The following ZMYM2 variants were observed in gnomAD, a reference collection of about 807,000 sequenced individuals.
The protein encoded by ZMYM2 is zinc finger MYM-type containing 2.
A neutral mutation model predicts 162.8 loss-of-function variants in ZMYM2; 56 were observed. The observed-to-expected ratio is 0.34, with a 90% CI of 0.28 to 0.43. The LOEUF is 0.43. Ranked by LOEUF, ZMYM2 falls within the 20% of genes least tolerant of loss-of-function variation. The pLI, the probability that ZMYM2 is intolerant of heterozygous loss-of-function variation, is 1.00. For missense variants in ZMYM2, 1,275 were observed against 1,621.8 expected, an observed-to-expected ratio of 0.79 and a Z score of 3.67; for synonymous variants, 510 against 541.6, an observed-to-expected ratio of 0.94 and a Z score of 0.81.
At chr13:19,901,401 A>T in the ZMYM2 span, among the ~76,000 whole-genome samples, 1 of 152,372 alleles carries the variant, frequency 6.6e-6, no homozygotes, top group East Asian at 1.9e-4. Context: ...AGATGAATTG[A>T]TAAGCAAAAT....
the ZMYM2 span, among the ~76,000 whole-genome samples, chr13:19,892,425 C>A: frequency 6.6e-6 from 1 of 151,560 alleles, no homozygotes; most frequent in Non-Finnish European, 1.5e-5. Context: ...GCGCCCACCG[C>A]CACGCCCAGC....
Position 19,993,132 on chromosome 13 carries a change from G to A in ZMYM2, c.60G>A (p.Gly20=). The change falls in exon 3 of 25, where the codon GGG becomes GGA. Residue 20 remains glycine (G), a synonymous_variant. Coordinates refer to ENST00000610343, the MANE Select transcript of ZMYM2 (RefSeq NM_197968.4). ...ELTDQTPVLL[G]STAMATSLTN... ...CTGATCAGACTCCTGTTTTATTAGG[G>A]AGTACGGCCATGGCAACTAGTCTCA... 2 of 1,614,078 alleles carry A rather than the reference G, an allele frequency of 1.2e-6. No homozygotes were observed. The highest frequency in any genetic ancestry group is 1.7e-6 in the Non-Finnish European group (2 of 1,179,986).
chr13:19,877,157 A>G, the ZMYM2 span, among the ~76,000 whole-genome samples: 1 of 149,132 alleles, frequency 6.7e-6, no homozygotes, highest in South Asian at 2.1e-4. Flanking sequence ...GCTTGCAGTA[A>G]GCCGAGATTG....
chr13:19,987,620 C>CGTGTGTGT (rs756005409), intron 2 of ZMYM2, among the ~76,000 whole-genome samples: 8,478 of 121,282 alleles, frequency 0.07, 555 homozygotes, highest in African/African-American at 0.1. Flanking sequence ...GGGGTTTTGT[C>CGTGTGTGT]GTGTGTGTGT....
chr13:20,051,273 CATTT>C (rs1955314112), intron 12 of ZMYM2, among the ~76,000 whole-genome samples, 156 bp from the exon 13 acceptor site: 3 of 50,018 alleles, frequency 6.0e-5, no homozygotes, highest in East Asian at 5.0e-4. Context: ...TTTTTTTTTT[CATTT>C]ATTGTAGATT....
intron 3 of ZMYM2, 33 bp from the exon 4 acceptor site, chr13:20,002,817 T>C (rs769320844): frequency 6.3e-7 from 1 of 1,598,076 alleles, no homozygotes; most frequent in Non-Finnish European, 8.5e-7. Context: ...AACACTTGTT[T>C]CATTATTCTT....
At chr13:19,883,059 AT>A in the ZMYM2 span, among the ~76,000 whole-genome samples, 1 of 152,232 alleles carries the variant, frequency 6.6e-6, no homozygotes, top group African/African-American at 2.4e-5. Flanking sequence ...ACAATGGAAT[AT>A]TATTGTTAAA....
At chr13:20,043,587 T>C (rs2140452160) in intron 12 of ZMYM2, among the ~76,000 whole-genome samples, 1 of 150,996 alleles carries the variant, frequency 6.6e-6, no homozygotes, top group South Asian at 2.1e-4. Context: ...GGAGGTGGAG[T>C]GTCCACTGTT....
intron 17 of ZMYM2, among the ~76,000 whole-genome samples, chr13:20,061,590 T>C (rs1349302365): frequency 1.3e-5 from 2 of 152,054 alleles, no homozygotes; most frequent in African/African-American, 4.8e-5. Flanking sequence ...TTTTTTGTTT[T>C]GTTTTGTTTT....
chr13:20,035,700 G>A (rs891627768), intron 11 of ZMYM2, among the ~76,000 whole-genome samples: 6 of 152,034 alleles, frequency 3.9e-5, no homozygotes, highest in African/African-American at 1.2e-4. Flanking sequence ...CATTCAGATC[G>A]GTAATAGCAT....
At chr13:19,921,315 T>C in the ZMYM2 span, among the ~76,000 whole-genome samples, 1 of 152,012 alleles carries the variant, frequency 6.6e-6, no homozygotes, top group African/African-American at 2.4e-5. Context: ...AATTTTTGTA[T>C]TTTTGGTAGA....
chr13:19,906,339 A>G, the ZMYM2 span, among the ~76,000 whole-genome samples: 1 of 130,266 alleles, frequency 7.7e-6, no homozygotes, highest in East Asian at 2.4e-4. Context: ...ATGTATGTGT[A>G]TATATATGTG....
At chr13:19,969,621 GACTT>G (rs1566177909) in intron 2 of ZMYM2, among the ~76,000 whole-genome samples, 1 of 152,120 alleles carries the variant, frequency 6.6e-6, no homozygotes, top group Non-Finnish European at 1.5e-5. Context: ...AGCAAAATAA[GACTT>G]ACTGAGGACT....
the ZMYM2 span, among the ~76,000 whole-genome samples, chr13:19,937,757 TA>T: frequency 6.6e-6 from 1 of 151,106 alleles, no homozygotes; most frequent in Non-Finnish European, 1.5e-5. Flanking sequence ...CATTTAGCAT[TA>T]GGTATATCTC....
intron 2 of ZMYM2, among the ~76,000 whole-genome samples, chr13:19,972,916 G>GAT (rs756817428): frequency 1.3e-5 from 2 of 149,646 alleles, no homozygotes; most frequent in African/African-American, 4.9e-5. Flanking sequence ...TACATATATA[G>GAT]ATATATATAT....
chr13:19,938,379 C>T, the ZMYM2 span, among the ~76,000 whole-genome samples: 1 of 151,960 alleles, frequency 6.6e-6, no homozygotes, highest in African/African-American at 2.4e-5. Context: ...CGTGATGGTG[C>T]GCACCTAACA....
At chr13:19,960,068 G>A (rs1301365552) in intron 2 of ZMYM2, 42 bp downstream of exon 2, 2 of 152,422 alleles carry the variant, frequency 1.3e-5, no homozygotes, top group South Asian at 2.1e-4. Flanking sequence ...AGAGGACATT[G>A]TCAGGTTGTA....
At chr13:20,026,788 A>C (rs1430045730) in intron 8 of ZMYM2, 26 bp downstream of exon 8, 3 of 1,534,252 alleles carry the variant, frequency 2.0e-6, no homozygotes, top group Non-Finnish European at 2.6e-6. Context: ...TTGGACAGTT[A>C]AAAAAACTTT....
chr13:20,083,323 A>G lies in ZMYM2; in HGVS notation c.3820+291A>G, dbSNP rs560504885. On this transcript the variant is annotated intron_variant, in intron 23 of 24. Transcript: ENST00000610343. ...GTGATCTGCCCACCTCAGCCTCCCA[A>G]AGTGCTGGGATTACAGGCGTGAGCC... 3.3e-5 allele frequency among the ~76,000 whole-genome samples: 5 copies of G among 152,298 alleles called. No homozygotes were observed. The East Asian group carries it at 7.7e-4, about 24-fold the overall frequency.
Sources: allele counts gnomAD v4.1 joint callset (sites outside exome capture counted in the v4.1 genomes callset), GRCh38; gene constraint gnomAD v4.1.1; transcripts MANE v1.5; gene names NCBI Gene and HGNC (gene_info 2026-07-23, HGNC 2026-07-21).